NDUFAF6: variants seen among roughly 807,000 people sequenced by gnomAD.
NDUFAF6 encodes NADH:ubiquinone oxidoreductase complex assembly factor 6.
Under a neutral mutation model 40.8 loss-of-function variants are expected in NDUFAF6, and 45 were observed. That is an observed-to-expected ratio of 1.10 (90% CI 0.87 to 1.42). The LOEUF (loss-of-function observed/expected upper bound fraction) is 1.42. Ranked by LOEUF, NDUFAF6 falls within the 40% of genes most tolerant of loss-of-function variation. The pLI, the probability that NDUFAF6 is intolerant of heterozygous loss-of-function variation, is 0.00. For synonymous variants in NDUFAF6, 185 were observed against 155.9 expected (o/e 1.19, Z -1.39); for missense variants, 435 against 418.5 (o/e 1.04, Z -0.34).
At position 95,064,225 on chromosome 8, in the gene NDUFAF6, A is replaced by G. The variant is rs142955199; in HGVS notation, c.*512-11408A>G. Among the ~76,000 whole-genome samples the G allele has an allele frequency of 9.2e-5, 14 of 151,940 alleles. No homozygotes were observed. In the East Asian group the frequency reaches 2.5e-3, roughly 27 times the overall value. ...GTTTTATATGATGTCAGTTTTCTAA[A>G]TTGATTAAGAAATTTCTCAAGTTAA... is the stretch of plus-strand genomic sequence containing the variant. On this transcript the variant is annotated intron_variant and NMD_transcript_variant, in intron 9 of 9. Transcript: ENST00000520757.
chr8:94,967,739 G>A (rs1001146557), intron 1 of NDUFAF6, among the ~76,000 whole-genome samples: 1 of 151,968 alleles, frequency 6.6e-6, no homozygotes, highest in African/African-American at 2.4e-5. Flanking sequence ...TCAGAAGCTC[G>A]AGACCAGCCT....
At chr8:95,023,695 G>A (rs544137520), upstream of NDUFAF6, among the ~76,000 whole-genome samples, 6 of 152,118 alleles carry the variant, frequency 3.9e-5, no homozygotes, top group Non-Finnish European at 7.3e-5. Flanking sequence ...GAAAGTAAGA[G>A]TACCAAAGGA....
chr8:95,030,747 A>T (rs1218082537), intron 1 of NDUFAF6, among the ~76,000 whole-genome samples: 1 of 152,142 alleles, frequency 6.6e-6, no homozygotes, highest in Non-Finnish European at 1.5e-5. Flanking sequence ...TCTGTTTTGC[A>T]TTGTTATAAA....
At chr8:94,898,986 A>G (rs541705907) in intron 1 of NDUFAF6, among the ~76,000 whole-genome samples, 82 of 152,376 alleles carry the variant, frequency 5.4e-4, no homozygotes, top group Admixed American at 7.2e-4. Context: ...GTAACAAGAA[A>G]GGAATAAAAC....
chr8:95,017,557 C>T (rs1827515359), intron 2 of NDUFAF6, among the ~76,000 whole-genome samples: 1 of 152,180 alleles, frequency 6.6e-6, no homozygotes. Context: ...CCATAAATTT[C>T]CACAGACTTT....
At chr8:95,110,448 A>G (rs2132086307) in intron 4 of NDUFAF6, among the ~76,000 whole-genome samples, 1 of 152,328 alleles carries the variant, frequency 6.6e-6, no homozygotes, top group Middle Eastern at 3.4e-3. Context: ...ACATTCCAGT[A>G]AAAATAAGTT....
intron 4 of NDUFAF6, among the ~76,000 whole-genome samples, chr8:95,110,257 G>A (rs1209203344): frequency 6.6e-6 from 1 of 152,208 alleles, no homozygotes; most frequent in Non-Finnish European, 1.5e-5. Context: ...ACAACAAACT[G>A]CACCAGGCAG....
At chr8:95,056,629 G>T (rs192327092) in intron 8 of NDUFAF6, among the ~76,000 whole-genome samples, 35 of 152,104 alleles carry the variant, frequency 2.3e-4, no homozygotes, top group South Asian at 1.0e-3. Flanking sequence ...GATAATGGCC[G>T]GGTGCGGTGG....
chr8:94,956,163 G>A (rs568080956), upstream of NDUFAF6, among the ~76,000 whole-genome samples: 4 of 152,302 alleles, frequency 2.6e-5, no homozygotes, highest in South Asian at 4.1e-4. Flanking sequence ...CAGTGGTTCC[G>A]AGGTTAATGA....
At chr8:94,904,479 A>G (rs1818263085) in intron 1 of NDUFAF6, among the ~76,000 whole-genome samples, 1 of 150,922 alleles carries the variant, frequency 6.6e-6, no homozygotes, top group Non-Finnish European at 1.5e-5. Context: ...CCTGGCCTGA[A>G]CCATGTTTTA....
chr8:95,037,929 G>T (rs1037147806), intron 3 of NDUFAF6, among the ~76,000 whole-genome samples: 2 of 152,190 alleles, frequency 1.3e-5, no homozygotes, highest in African/African-American at 4.8e-5. Flanking sequence ...GATTCATCAG[G>T]CTGGAGTGCA....
At chr8:94,926,380 T>C (rs1163492035) in intron 1 of NDUFAF6, 3 of 150,734 alleles carry the variant, frequency 2.0e-5, no homozygotes, top group Admixed American at 6.7e-5. Context: ...AAAGGAAATA[T>C]GTTCACAATT....
At chr8:95,055,293 A>G (rs1402807064) in intron 8 of NDUFAF6, 1 of 152,206 alleles carries the variant, frequency 6.6e-6, no homozygotes, top group African/African-American at 2.4e-5. Context: ...AGGATGACAC[A>G]CAAATTCATG....
At chr8:95,091,860 A>G (rs1016519964) in intron 2 of NDUFAF6, among the ~76,000 whole-genome samples, 6 of 145,924 alleles carry the variant, frequency 4.1e-5, no homozygotes, top group African/African-American at 1.5e-4. Flanking sequence ...GGCTGGTCTC[A>G]AACTCTTGGT....
upstream of NDUFAF6, among the ~76,000 whole-genome samples, chr8:95,021,836 T>G (rs1827703523): frequency 6.6e-6 from 1 of 152,186 alleles, no homozygotes; most frequent in Admixed American, 6.5e-5. Flanking sequence ...ATCCTTGATT[T>G]GTAGCCAAGT....
intron 7 of NDUFAF6, among the ~76,000 whole-genome samples, chr8:95,049,537 A>G (rs1189204435): frequency 6.6e-6 from 1 of 152,060 alleles, no homozygotes; most frequent in East Asian, 1.9e-4. Context: ...AGCTCCCATA[A>G]TGCTAATTTT....
chr8:95,086,828 C>T (rs1039465643), intron 2 of NDUFAF6, among the ~76,000 whole-genome samples: 6 of 152,078 alleles, frequency 3.9e-5, no homozygotes, highest in Admixed American at 6.6e-5. Context: ...TGGTCTCGAT[C>T]TCCTGACTTC....
chr8:94,939,336 G>A (rs150764973), intron 1 of NDUFAF6, among the ~76,000 whole-genome samples: 2 of 152,298 alleles, frequency 1.3e-5, no homozygotes, highest in Non-Finnish European at 2.9e-5. Context: ...TTTTGTAAAT[G>A]AGAATGCTAT....
At chr8:95,078,660 A>ATATATATATAT (rs542717810), downstream of NDUFAF6, 3 of 58,608 alleles carry the variant, frequency 5.1e-5, no homozygotes, top group Non-Finnish European at 7.5e-5. Flanking sequence ...AAAAAAAAAA[A>ATATATATATAT]AAATATATAT....
Sources: gnomAD v4.1 joint callset for allele counts (sites outside exome capture counted in the v4.1 genomes callset) on GRCh38, gnomAD v4.1.1 for gene constraint, MANE v1.5 for transcripts, NCBI Gene and HGNC (gene_info 2026-07-23, HGNC 2026-07-21) for gene names.